ZFAT: variants seen among roughly 807,000 people sequenced by gnomAD.
ZFAT encodes zinc finger and AT-hook domain containing.
Under a neutral mutation model 117.7 loss-of-function variants are expected in ZFAT, and 64 were observed. That is an observed-to-expected ratio of 0.54 (90% confidence interval 0.44 to 0.67). ZFAT has a LOEUF of 0.67. Among genes scored for constraint, ZFAT ranks in the 30% least tolerant of loss-of-function variants. The pLI, the probability that ZFAT is intolerant of heterozygous loss-of-function variation, is 0.00. For synonymous variants in ZFAT, 679 were observed against 615.0 expected, an observed-to-expected ratio of 1.10 and a Z score of -1.54; for missense variants, 1,433 against 1,584.5, an observed-to-expected ratio of 0.90 and a Z score of 1.62.
chr8:134,708,212 C>G (rs4573225), intron 1 of ZFAT, among the ~76,000 whole-genome samples: 114,908 of 152,132 alleles, frequency 0.76, 43,548 homozygotes, highest in South Asian at 0.83. Context: ...TGATCAAAGG[C>G]TACAAAGCCT....
At chr8:134,658,865 T>C (rs1006548336) in intron 1 of ZFAT, among the ~76,000 whole-genome samples, 3 of 152,214 alleles carry the variant, frequency 2.0e-5, no homozygotes, top group Non-Finnish European at 2.9e-5. Context: ...GAAGCAGTCA[T>C]CTGTCAGTTG....
upstream of ZFAT, among the ~76,000 whole-genome samples, chr8:134,717,724 G>C (rs777527624): frequency 1.3e-5 from 2 of 151,198 alleles, no homozygotes; most frequent in African/African-American, 2.4e-5. Context: ...CTGACCTCGT[G>C]ATCCGCCTCT....
intron 9 of ZFAT, among the ~76,000 whole-genome samples, chr8:134,586,150 T>C (rs560940141): frequency 6.6e-6 from 1 of 152,290 alleles, no homozygotes; most frequent in East Asian, 1.9e-4. Flanking sequence ...CAGAGAAAGT[T>C]ATAAATTAGA....
At position 134,565,401 on chromosome 8, in the gene ZFAT, C is replaced by A; in HGVS notation, c.2908G>T (p.Val970Leu). Reference sequence around the variant, plus strand: ...TTCTGGGCCGCTGTGTAGTCACACACCGTGCACTTAAACTGCTTCCCTGGA... The same window carrying A: ...TTCTGGGCCGCTGTGTAGTCACACAACGTGCACTTAAACTGCTTCCCTGGA... ...TADGKQFKCT[V>L]CDYTAAQKPQ... The change falls in exon 11 of 16, where the codon GTG becomes TTG. Residue 970 changes from valine (V) to leucine (L), a missense_variant. Physicochemically the swap from Val to Leu is conservative, Grantham distance 32. Around this residue, in one of 5 missense-constraint regions of ZFAT, gnomAD observed 503 missense variants for 543.4 expected, o/e 0.93. Transcript: ENST00000377838. 6.2e-7 allele frequency: 1 copy of A among 1,613,770 alleles called. No homozygotes were observed. Among genetic ancestry groups the A allele is most frequent in the Non-Finnish European group, 8.5e-7 (1 of 1,179,828 alleles).
At chr8:134,626,580 C>T (rs1407692459) in intron 3 of ZFAT, among the ~76,000 whole-genome samples, 1 of 152,246 alleles carries the variant, frequency 6.6e-6, no homozygotes, top group Non-Finnish European at 1.5e-5. Flanking sequence ...GCTTCACAAT[C>T]CCTGCTGAGC....
intron 3 of ZFAT, among the ~76,000 whole-genome samples, chr8:134,634,500 A>G (rs530151801): frequency 3.9e-5 from 3 of 77,214 alleles, no homozygotes; most frequent in African/African-American, 8.8e-5. Flanking sequence ...TGGGCGCAAT[A>G]TTAACACACT....
chr8:134,587,602 G>A (rs1826160473), intron 9 of ZFAT, among the ~76,000 whole-genome samples: 2 of 152,176 alleles, frequency 1.3e-5, no homozygotes. Flanking sequence ...ATCCCCAGGA[G>A]GGCCATGTCC....
intron 13 of ZFAT, among the ~76,000 whole-genome samples, chr8:134,520,457 A>AAAG (rs1820575161): frequency 6.6e-6 from 1 of 152,094 alleles, no homozygotes; most frequent in Admixed American, 6.5e-5. Context: ...AAAAAACAAA[A>AAAG]AAGCAGCTAG....
chr8:134,742,968 C>T, the ZFAT span, among the ~76,000 whole-genome samples: 1 of 152,200 alleles, frequency 6.6e-6, no homozygotes, highest in Non-Finnish European at 1.5e-5. Context: ...GCCTCTGTCT[C>T]AGGTCCACGT....
intron 1 of ZFAT, among the ~76,000 whole-genome samples, chr8:134,668,868 G>A (rs371718587): frequency 1.1e-4 from 16 of 152,152 alleles, no homozygotes; most frequent in Admixed American, 9.2e-4. Context: ...AAGATTAGAC[G>A]AATGCCTAAC....
At chr8:134,770,385 A>T in the ZFAT span, among the ~76,000 whole-genome samples, 1 of 152,242 alleles carries the variant, frequency 6.6e-6, no homozygotes, top group Non-Finnish European at 1.5e-5. Context: ...ATAATTTCTT[A>T]TGCCTGTCTT....
chr8:134,520,193 G>C (rs1212862946), intron 13 of ZFAT, among the ~76,000 whole-genome samples: 1 of 152,184 alleles, frequency 6.6e-6, no homozygotes, highest in Admixed American at 6.5e-5. Context: ...GGGTTGGGGG[G>C]ATGATGCTAC....
At chr8:134,780,742 A>G in the ZFAT span, among the ~76,000 whole-genome samples, 1 of 152,238 alleles carries the variant, frequency 6.6e-6, no homozygotes, top group Non-Finnish European at 1.5e-5. Context: ...GACAGATAGT[A>G]GATGCTCAAT....
In ZFAT at chr8:134,608,777, T is replaced by A. The variant is rs1258725627; in HGVS notation, c.737A>T (p.Glu246Val). ...ADLVPRRGYQ[E>V]YAIQQTPYEQ... ...ATAAGGTGTCTGCTGAATGGCGTAT[T>A]CCTGGTAGCCTCTCCGAGGCACCAG... The change falls in exon 5 of 16, where the codon GAA becomes GTA. Residue 246 changes from glutamate to valine, a missense_variant. Coordinates refer to ENST00000377838, the MANE Select transcript of ZFAT (RefSeq NM_020863.4). The A allele has an allele frequency of 6.2e-7, 1 of 1,610,808 alleles. No individual in the cohort carries two copies. Among genetic ancestry groups the A allele is most frequent in the Non-Finnish European group, 8.5e-7 (1 of 1,178,894 alleles).
Position 134,557,174 on chromosome 8 carries a change from ATAAGT to A in ZFAT, c.2976+8154_2976+8158del, listed in dbSNP as rs147295175. The stretch of plus-strand genomic sequence containing the variant: ...GAAACTAGAATATGTTGTAACAAAG[ATAAGT>A]TAAGGTCTACAGCAACCACTAAAAC... On this transcript the variant is annotated intron_variant, in intron 11 of 15. Transcript: ENST00000377838. 7.5e-3 allele frequency among the ~76,000 whole-genome samples: 1,136 copies of A among 152,316 alleles called. 25 individuals carry two copies. The highest frequency in any genetic ancestry group is 0.026 in the African/African-American group (1,081 of 41,578).
intron 4 of ZFAT, 71 bp downstream of exon 4, chr8:134,610,399 T>G: frequency 1.3e-6 from 2 of 1,495,392 alleles, no homozygotes; most frequent in Non-Finnish European, 1.8e-6. Context: ...ACTCAGACTG[T>G]GACATCAGGC....
intron 1 of ZFAT, chr8:134,673,531 C>T: frequency 5.0e-6 from 1 of 201,344 alleles, no homozygotes; most frequent in Non-Finnish European, 1.1e-5. Context: ...TATTCTTGTA[C>T]TTTTCTTTCT....
At chr8:134,499,499 G>C (rs1474157185) in intron 15 of ZFAT, among the ~76,000 whole-genome samples, 3 of 148,700 alleles carry the variant, frequency 2.0e-5, no homozygotes, top group Non-Finnish European at 4.4e-5. Flanking sequence ...ATTTGGTAGG[G>C]TTGGCATGGA....
intron 11 of ZFAT, among the ~76,000 whole-genome samples, chr8:134,562,037 T>C (rs1002049451): frequency 6.6e-6 from 1 of 152,152 alleles, no homozygotes. Context: ...AGGACATTCA[T>C]TGTTGTGGGT....
Sources: gnomAD v4.1 joint callset for allele counts (sites outside exome capture counted in the v4.1 genomes callset) on GRCh38, gnomAD v4.1.1 for gene constraint, gnomAD v4.1.1 regional missense constraint, MANE v1.5 for transcripts, NCBI Gene and HGNC (gene_info 2026-07-23, HGNC 2026-07-21) for gene names.